PDE8B: variants seen among roughly 807,000 people sequenced by gnomAD.
The protein encoded by PDE8B is high affinity cAMP-specific and IBMX-insensitive 3',5'-cyclic phosphodiesterase 8B.
In PDE8B, 26 loss-of-function variants were observed where a neutral mutation model predicts 101.3. The observed-to-expected ratio is 0.26, with a 90% confidence interval of 0.19 to 0.36. The LOEUF (loss-of-function observed/expected upper bound fraction) is 0.36, where lower values mean the gene tolerates loss of function less well. Ranked by LOEUF, PDE8B falls within the 10% of genes least tolerant of loss-of-function variation. The pLI is 1.00. For missense variants in PDE8B, 810 were observed against 1,163.1 expected, an observed-to-expected ratio of 0.70 and a Z score of 4.42; for synonymous variants, 424 against 429.3, an observed-to-expected ratio of 0.99 and a Z score of 0.15.
intron 19 of PDE8B, among the ~76,000 whole-genome samples, chr5:77,420,428 G>A (rs1796400308): frequency 1.3e-5 from 2 of 151,888 alleles, no homozygotes; most frequent in African/African-American, 4.8e-5. Context: ...TGGCTTTTAG[G>A]AACATGAAAC....
chr5:77,115,323 G>A, the PDE8B span: 4 of 152,076 alleles, frequency 2.6e-5, no homozygotes, highest in African/African-American at 7.2e-5. Flanking sequence ...TAATAAATAC[G>A]TGTGGAATCC....
At chr5:77,182,233 G>C in the PDE8B span, among the ~76,000 whole-genome samples, 4 of 151,812 alleles carry the variant, frequency 2.6e-5, no homozygotes, top group African/African-American at 7.3e-5. Context: ...TTGCAGTCTT[G>C]CTACAGATTG....
chr5:77,306,739 G>C (rs142730035), intron 1 of PDE8B, among the ~76,000 whole-genome samples: 2 of 152,188 alleles, frequency 1.3e-5, no homozygotes, highest in South Asian at 4.1e-4. Flanking sequence ...GAATGTGGTG[G>C]CGTGACAGGT....
At chr5:77,423,924 A>G (rs1797311588) in intron 20 of PDE8B, among the ~76,000 whole-genome samples, 1 of 150,416 alleles carries the variant, frequency 6.6e-6, no homozygotes. Context: ...GGCGTGAGCC[A>G]CCGCACCCAG....
In PDE8B at chr5:77,421,916, G is replaced by A; in HGVS notation, c.2346G>A (p.Val782=). 1 of 1,614,130 alleles carries A rather than the reference G, an allele frequency of 6.2e-7. No individual in the cohort carries two copies. The highest frequency in any genetic ancestry group is 1.7e-5 in the Admixed American group (1 of 60,020). The change falls in exon 20 of 22, where the codon GTG becomes GTA. Residue 782 remains valine (V), a synonymous_variant. Transcript: ENST00000264917. The part of the protein sequence containing the change: ...IKRMMIKCAD[V]ANPCRPLDLC... ...GCATGATGATTAAGTGTGCTGACGT[G>A]GCCAACCCATGCCGCCCCTTGGACC...
intron 12 of PDE8B, among the ~76,000 whole-genome samples, chr5:77,405,040 A>G (rs1793147765): frequency 6.6e-6 from 1 of 152,224 alleles, no homozygotes; most frequent in African/African-American, 2.4e-5. Flanking sequence ...GGCTTGAAGC[A>G]TGTTGAGCCA....
chr5:77,201,371 G>A, the PDE8B span, among the ~76,000 whole-genome samples: 2 of 152,200 alleles, frequency 1.3e-5, no homozygotes, highest in Non-Finnish European at 2.9e-5. Context: ...AGCAAATATT[G>A]AACATGTACC....
chr5:77,390,204 CAG>C (rs1241682785), intron 10 of PDE8B, among the ~76,000 whole-genome samples: 1 of 152,160 alleles, frequency 6.6e-6, no homozygotes. Flanking sequence ...ATACCTAACT[CAG>C]AATTAATAGT....
At chr5:77,236,820 G>A (rs1754791848) in intron 1 of PDE8B, among the ~76,000 whole-genome samples, 1 of 152,108 alleles carries the variant, frequency 6.6e-6, no homozygotes, top group African/African-American at 2.4e-5. Flanking sequence ...TGATGGTATT[G>A]TTTGGTTTTT....
intron 18 of PDE8B, among the ~76,000 whole-genome samples, 192 bp downstream of exon 18, chr5:77,418,638 T>C (rs116758928): frequency 1.3e-4 from 20 of 152,338 alleles, no homozygotes; most frequent in African/African-American, 4.8e-4. Flanking sequence ...TGGTCTTCAG[T>C]GAGTTCATAA....
intron 10 of PDE8B, among the ~76,000 whole-genome samples, chr5:77,389,074 A>T (rs183935733): frequency 6.6e-6 from 1 of 151,806 alleles, no homozygotes; most frequent in African/African-American, 2.4e-5. Context: ...TTTCCAGGAG[A>T]GTGAGTGGTT....
intron 1 of PDE8B, among the ~76,000 whole-genome samples, chr5:77,236,170 A>G (rs1754648226): frequency 6.6e-6 from 1 of 152,224 alleles, no homozygotes; most frequent in African/African-American, 2.4e-5. Flanking sequence ...GGAGGTCCCG[A>G]GTCAGGAATA....
chr5:77,403,613 A>G (rs1467417697), intron 11 of PDE8B, among the ~76,000 whole-genome samples: 1 of 152,104 alleles, frequency 6.6e-6, no homozygotes, highest in African/African-American at 2.4e-5. Context: ...TTAAAAATAT[A>G]TATTGAAACT....
At chr5:77,307,156 A>G (rs889993019) in intron 1 of PDE8B, among the ~76,000 whole-genome samples, 3 of 152,000 alleles carry the variant, frequency 2.0e-5, no homozygotes, top group South Asian at 2.1e-4. Context: ...TCACACTGCA[A>G]TCCAGCTCTC....
In PDE8B at chr5:77,426,719, AAGTT is replaced by A; in HGVS notation, c.*167_*170del. The stretch of plus-strand genomic sequence containing the variant: ...CAAGTCCCCAAATTTCATTCTTAGA[AAGTT>A]ATGTTCCATGAAGAAAAATATATGT... On this transcript the variant is annotated 3_prime_UTR_variant, in exon 22 of 22. Coordinates refer to ENST00000264917, the MANE Select transcript of PDE8B (RefSeq NM_003719.5). 1 of 660,020 alleles carries A rather than the reference AAGTT, an allele frequency of 1.5e-6. No individual in the cohort carries two copies. Among genetic ancestry groups the A allele is most frequent in the South Asian group, 1.7e-5 (1 of 58,252 alleles). 40.9% of individuals were successfully genotyped at this position (660,020 alleles called of 1,614,324 possible).
At chr5:77,225,072 T>C (rs1034272756) in intron 1 of PDE8B, among the ~76,000 whole-genome samples, 1 of 152,178 alleles carries the variant, frequency 6.6e-6, no homozygotes, top group African/African-American at 2.4e-5. Context: ...CTGATGATTG[T>C]TGCCTAGATC....
the PDE8B span, among the ~76,000 whole-genome samples, chr5:77,136,249 T>A: frequency 4.6e-5 from 7 of 152,250 alleles, no homozygotes; most frequent in African/African-American, 9.6e-5. Flanking sequence ...ATTTATTCCC[T>A]ACCTTGTCTC....
intron 1 of PDE8B, among the ~76,000 whole-genome samples, chr5:77,271,971 C>CT (rs1762899725): frequency 6.6e-6 from 1 of 152,176 alleles, no homozygotes; most frequent in Admixed American, 6.5e-5. Context: ...ACAGTACCAC[C>CT]TGGGAGCCCA....
chr5:77,257,898 T>C (rs1759526720), intron 1 of PDE8B, among the ~76,000 whole-genome samples: 1 of 152,086 alleles, frequency 6.6e-6, no homozygotes, highest in Non-Finnish European at 1.5e-5. Flanking sequence ...TTCGGCTACA[T>C]GCAACACTCT....
Sources: allele counts gnomAD v4.1 joint callset (sites outside exome capture counted in the v4.1 genomes callset), GRCh38; gene constraint gnomAD v4.1.1; transcripts MANE v1.5; gene names NCBI Gene and HGNC (gene_info 2026-07-23, HGNC 2026-07-21).